Variants in DLGAP2 observed in about 807,000 individuals in gnomAD.
DLGAP2 encodes DLG associated protein 2.
Under a neutral mutation model 100.3 loss-of-function variants are expected in DLGAP2, and 26 were observed. That is an observed-to-expected ratio of 0.26 (90% CI 0.19 to 0.36). The LOEUF is 0.36. Among genes scored for constraint, DLGAP2 ranks in the 10% least tolerant of loss-of-function variants. The probability of loss-of-function intolerance (pLI) is 1.00; values close to 1 mark genes in which losing one functional copy is unlikely to be tolerated. For missense variants in DLGAP2, 1,858 were observed against 1,453.2 expected, an observed-to-expected ratio of 1.28 and a Z score of -4.53; for synonymous variants, 886 against 630.1, an observed-to-expected ratio of 1.41 and a Z score of -6.08.
intron 1 of DLGAP2, among the ~76,000 whole-genome samples, chr8:893,997 A>G (rs1798089615): frequency 6.6e-6 from 1 of 152,194 alleles, no homozygotes; most frequent in Admixed American, 6.5e-5. Context: ...GAGGTCACCC[A>G]GGCCGTGTGG....
intron 6 of DLGAP2, among the ~76,000 whole-genome samples, chr8:1,573,580 C>T (rs1050060480): frequency 6.6e-6 from 1 of 151,700 alleles, no homozygotes; most frequent in African/African-American, 2.4e-5. Flanking sequence ...ATTTAGTCAT[C>T]AATAATAACA....
At chr8:1,529,130 G>T (rs952647033) in intron 4 of DLGAP2, among the ~76,000 whole-genome samples, 2 of 152,198 alleles carry the variant, frequency 1.3e-5, no homozygotes, top group Non-Finnish European at 2.9e-5. Context: ...CAGCATGGCT[G>T]GTGAGGCCTC....
intron 2 of DLGAP2, among the ~76,000 whole-genome samples, chr8:1,085,138 C>T (rs77765752): frequency 0.026 from 3,885 of 152,278 alleles, 156 homozygotes; most frequent in African/African-American, 0.09. Flanking sequence ...CCTACATGTG[C>T]CTGTTGGCCA....
intron 3 of DLGAP2, among the ~76,000 whole-genome samples, chr8:1,468,422 C>T (rs1429974078): frequency 1.3e-5 from 2 of 151,554 alleles, no homozygotes; most frequent in Non-Finnish European, 2.9e-5. Flanking sequence ...CCGGGCTGGT[C>T]CTGAGTCCCC....
intron 4 of DLGAP2, among the ~76,000 whole-genome samples, chr8:1,548,062 C>T (rs534044518): frequency 1.3e-5 from 2 of 152,244 alleles, no homozygotes; most frequent in East Asian, 1.9e-4. Flanking sequence ...CCACAAAATC[C>T]GGCTGTCAAG....
At chr8:1,513,024 A>G (rs1309343380) in intron 4 of DLGAP2, among the ~76,000 whole-genome samples, 2 of 152,062 alleles carry the variant, frequency 1.3e-5, no homozygotes, top group African/African-American at 4.8e-5. Context: ...AGTGCAGAGG[A>G]GGATGGAAGA....
intron 2 of DLGAP2, among the ~76,000 whole-genome samples, chr8:1,030,927 C>T (rs1046204618): frequency 1.1e-4 from 17 of 152,034 alleles, no homozygotes; most frequent in African/African-American, 3.4e-4. Flanking sequence ...GGCGCAAGGT[C>T]GGTGCCTGAC....
chr8:811,298 G>A (rs553358087), intron 1 of DLGAP2, among the ~76,000 whole-genome samples: 5 of 152,196 alleles, frequency 3.3e-5, no homozygotes, highest in African/African-American at 1.2e-4. Flanking sequence ...GGAACTATCT[G>A]GGGGCCCTGC....
At chr8:1,166,560 G>C (rs1449463869) in intron 2 of DLGAP2, among the ~76,000 whole-genome samples, 1 of 152,134 alleles carries the variant, frequency 6.6e-6, no homozygotes, top group Admixed American at 6.5e-5. Context: ...GAACATTCAT[G>C]AGAAATATCC....
At chr8:1,582,502 A>G (rs1246696941) in intron 6 of DLGAP2, among the ~76,000 whole-genome samples, 1 of 151,802 alleles carries the variant, frequency 6.6e-6, no homozygotes, top group African/African-American at 2.4e-5. Context: ...CAAAATGAAA[A>G]AAGTCATCCT....
rs142574079 is a variant in DLGAP2, at chr8:1,153,102, C to A, written c.74-105749C>A. On this transcript the variant is annotated intron_variant, in intron 2 of 14. Coordinates refer to ENST00000637795, the MANE Select transcript of DLGAP2 (RefSeq NM_001346810.2). Reference sequence around the variant, plus strand: ...ACTACCTTTGAGAGGCCTTCTCCCCCTGCTTTGACCCACCCTGACTTAGTG... The same window carrying A: ...ACTACCTTTGAGAGGCCTTCTCCCCATGCTTTGACCCACCCTGACTTAGTG... Among the ~76,000 whole-genome samples, 17 of 152,288 alleles carry A rather than the reference C, an allele frequency of 1.1e-4. No individual in the cohort carries two copies. The East Asian group carries it at 3.3e-3, about 29-fold the overall frequency.
chr8:1,657,898 T>G (rs1020163643), intron 8 of DLGAP2, among the ~76,000 whole-genome samples: 8 of 152,084 alleles, frequency 5.3e-5, no homozygotes, highest in Non-Finnish European at 1.0e-4. Context: ...ATTTACGACA[T>G]GGACACATGG....
At chr8:1,309,694 T>A (rs982795393) in intron 3 of DLGAP2, among the ~76,000 whole-genome samples, 1 of 152,192 alleles carries the variant, frequency 6.6e-6, no homozygotes, top group African/African-American at 2.4e-5. Context: ...CCAACAAGAT[T>A]ATGTATTTGG....
At chr8:1,435,358 C>G (rs752422221) in intron 3 of DLGAP2, among the ~76,000 whole-genome samples, 1 of 152,284 alleles carries the variant, frequency 6.6e-6, no homozygotes, top group South Asian at 2.1e-4. Context: ...GCACCGCACA[C>G]GGGTGTTTCA....
intron 6 of DLGAP2, among the ~76,000 whole-genome samples, chr8:1,595,207 A>C (rs1460130821): frequency 1.3e-5 from 2 of 151,978 alleles, no homozygotes; most frequent in African/African-American, 4.8e-5. Context: ...CACCTGGCTA[A>C]TTTTTGTATT....
intron 3 of DLGAP2, among the ~76,000 whole-genome samples, chr8:1,269,837 G>T (rs1434823486): frequency 6.6e-6 from 1 of 152,130 alleles, no homozygotes; most frequent in Non-Finnish European, 1.5e-5. Context: ...TGGTGTAATG[G>T]GCGCGCCAGA....
At chr8:1,627,630 C>G (rs910126855) in intron 7 of DLGAP2, among the ~76,000 whole-genome samples, 5 of 152,244 alleles carry the variant, frequency 3.3e-5, no homozygotes, top group African/African-American at 1.2e-4. Flanking sequence ...CTTGAGCTGA[C>G]CTTGAGTTTG....
At chr8:1,571,352 A>ATG (rs1802667606) in intron 6 of DLGAP2, among the ~76,000 whole-genome samples, 1 of 88,976 alleles carries the variant, frequency 1.1e-5, no homozygotes, top group Non-Finnish European at 2.3e-5. Flanking sequence ...CTGTGGGGGC[A>ATG]TCTGATGAGA....
At chr8:1,376,957 T>G (rs572662262) in intron 3 of DLGAP2, among the ~76,000 whole-genome samples, 1 of 152,348 alleles carries the variant, frequency 6.6e-6, no homozygotes, top group Non-Finnish European at 1.5e-5. Flanking sequence ...GGGAACTGAT[T>G]TGTAATCACA....
Sources: allele counts gnomAD v4.1 joint callset (sites outside exome capture counted in the v4.1 genomes callset), GRCh38; gene constraint gnomAD v4.1.1; transcripts MANE v1.5; gene names NCBI Gene and HGNC (gene_info 2026-07-23, HGNC 2026-07-21).